Variants in FUT8 observed in about 807,000 individuals in gnomAD.
The protein encoded by FUT8 is alpha-(1,6)-fucosyltransferase.
FUT8 carries 29 observed loss-of-function variants against 71.3 expected under a neutral mutation model. That is an observed-to-expected ratio of 0.41 (90% CI 0.30 to 0.55). The LOEUF (loss-of-function observed/expected upper bound fraction) is 0.55, where lower values mean the gene tolerates loss of function less well. FUT8 is among the 20% of genes least tolerant of loss of function. The probability of loss-of-function intolerance (pLI) is 0.34; values close to 1 mark genes in which losing one functional copy is unlikely to be tolerated. For synonymous variants in FUT8, 254 were observed against 239.3 expected (o/e 1.06, Z -0.57); for missense variants, 544 against 702.1 (o/e 0.77, Z 2.55).
chr14:65,365,876 C>G, the FUT8 span, among the ~76,000 whole-genome samples: 1 of 151,696 alleles, frequency 6.6e-6, no homozygotes, highest in Non-Finnish European at 1.5e-5. Context: ...CTTGTTCTGT[C>G]GCCCAGGCTA....
At chr14:65,641,248 T>C (rs1890814617) in intron 6 of FUT8, among the ~76,000 whole-genome samples, 1 of 152,216 alleles carries the variant, frequency 6.6e-6, no homozygotes, top group Non-Finnish European at 1.5e-5. Context: ...TTTCGTAGAA[T>C]TGTATATAAA....
At chr14:65,538,922 A>AAAAAC (rs540779603) in intron 2 of FUT8, among the ~76,000 whole-genome samples, 40 of 152,216 alleles carry the variant, frequency 2.6e-4, no homozygotes, top group Middle Eastern at 3.4e-3. Flanking sequence ...CTCTGTCTCA[A>AAAAAC]AAAACAAAAC....
At position 65,627,382 on chromosome 14, in the gene FUT8, A is replaced by G. The variant is rs899414901; in HGVS notation, c.483-2110A>G. On this transcript the variant is annotated intron_variant, in intron 5 of 10. Coordinates refer to ENST00000673929, the MANE Select transcript of FUT8 (RefSeq NM_001371533.1). This position sits in a 1 kb window ranked among gnomAD's most constrained non-coding sequence, Gnocchi z 4.0. ...GAGAGATCAAGGCAAGTTTTAGAAC[A>G]GGCATGAGAGTTTATTAAAATGTTT... Among the ~76,000 whole-genome samples the G allele has an allele frequency of 6.6e-6, 1 of 152,204 alleles. No individual in the cohort carries two copies. The highest frequency in any genetic ancestry group is 1.5e-5 in the Non-Finnish European group (1 of 68,028).
chr14:65,539,091 GA>G, intron 2 of FUT8, among the ~76,000 whole-genome samples: 1 of 152,288 alleles, frequency 6.6e-6, no homozygotes, highest in East Asian at 1.9e-4. Context: ...TCATTTGTGA[GA>G]AAACTCACAT....
intron 6 of FUT8, among the ~76,000 whole-genome samples, chr14:65,661,555 G>A (rs1033724197): frequency 6.6e-6 from 1 of 152,098 alleles, no homozygotes; most frequent in Admixed American, 6.5e-5. Context: ...GGCAGGTGAG[G>A]GCAATTACAT....
chr14:65,600,749 G>T (rs1348363920), intron 3 of FUT8, among the ~76,000 whole-genome samples: 1 of 152,072 alleles, frequency 6.6e-6, no homozygotes, highest in Non-Finnish European at 1.5e-5. Context: ...AAGAAAATTT[G>T]CAGCATATGG....
intron 5 of FUT8, among the ~76,000 whole-genome samples, chr14:65,626,399 C>T (rs1006290418): frequency 6.6e-6 from 1 of 152,194 alleles, no homozygotes; most frequent in African/African-American, 2.4e-5. Context: ...GCTCCCAAAG[C>T]TCTCTCCTCT....
rs1218477438 is a variant in FUT8 at position 65,596,142 on chromosome 14, C to T, written c.204-19836C>T. Among the ~76,000 whole-genome samples, 4 of 152,150 alleles carry T rather than the reference C, an allele frequency of 2.6e-5. No individual in the cohort carries two copies. In the East Asian group the frequency reaches 5.8e-4, roughly 22 times the overall value. Reference sequence around the variant, plus strand: ...ATTGAAGATTAATTTTTGTCCTCTTCAGGCTCTGTGGGGTTTTTTTACCCT... The same window carrying T: ...ATTGAAGATTAATTTTTGTCCTCTTTAGGCTCTGTGGGGTTTTTTTACCCT... On this transcript the variant is annotated intron_variant, in intron 3 of 10. Transcript: ENST00000673929.
chr14:65,624,284 CTTT>C lies in FUT8; in HGVS notation c.483-5195_483-5193del, dbSNP rs61702275. Among the ~76,000 whole-genome samples, 1,736 of 145,630 alleles carry C rather than the reference CTTT, an allele frequency of 0.012. 60 individuals carry two copies. In the East Asian group the frequency reaches 0.13, roughly 11 times the overall value. ...CATTATCACAAAACATTAGTGTACTCTTTTTTTTTTTTTTTATTTGATGTTTGG... is the reference window on the plus strand; with the variant it reads ...CATTATCACAAAACATTAGTGTACTCTTTTTTTTTTTTATTTGATGTTTGG... On this transcript the variant is annotated intron_variant, in intron 5 of 10. Coordinates refer to ENST00000673929, the MANE Select transcript of FUT8 (RefSeq NM_001371533.1).
chr14:65,716,721 G>T (rs1459559460), intron 7 of FUT8, among the ~76,000 whole-genome samples: 3 of 151,872 alleles, frequency 2.0e-5, no homozygotes, highest in African/African-American at 7.3e-5. Flanking sequence ...CATCATCATG[G>T]CCTGTTCTCG....
chr14:65,588,185 C>T (rs1006013624), intron 3 of FUT8, among the ~76,000 whole-genome samples: 1 of 152,134 alleles, frequency 6.6e-6, no homozygotes, highest in Non-Finnish European at 1.5e-5. Context: ...ATCTTCATTT[C>T]CTGTTCTCCC....
chr14:65,664,868 A>G (rs970814355), intron 6 of FUT8, among the ~76,000 whole-genome samples: 1 of 152,144 alleles, frequency 6.6e-6, no homozygotes, highest in African/African-American at 2.4e-5. Context: ...CAAAATAGCT[A>G]GGAAAACTGC....
At chr14:65,691,296 C>T (rs1205861077) in intron 7 of FUT8, among the ~76,000 whole-genome samples, 10 of 150,832 alleles carry the variant, frequency 6.6e-5, no homozygotes, top group Non-Finnish European at 2.9e-5. Context: ...TTTAGTGTTA[C>T]GTAGGAATGG....
At chr14:65,540,810 A>G (rs910147907) in intron 2 of FUT8, among the ~76,000 whole-genome samples, 1 of 152,242 alleles carries the variant, frequency 6.6e-6, no homozygotes, top group Non-Finnish European at 1.5e-5. Flanking sequence ...AGAAGATTGT[A>G]GATCTACTTT....
intron 3 of FUT8, among the ~76,000 whole-genome samples, chr14:65,587,113 C>T (rs143844202): frequency 0.01 from 1,581 of 150,854 alleles, 29 homozygotes; most frequent in African/African-American, 0.037. Flanking sequence ...GGTGTGAACC[C>T]GGGAGGCGGA....
At chr14:65,693,151 C>T (rs1482803316) in intron 7 of FUT8, among the ~76,000 whole-genome samples, 1 of 152,224 alleles carries the variant, frequency 6.6e-6, no homozygotes. Flanking sequence ...GAGGCCAAGG[C>T]AGGCGGCTGG....
At chr14:65,495,675 A>G (rs932559791) in intron 2 of FUT8, among the ~76,000 whole-genome samples, 12 of 152,334 alleles carry the variant, frequency 7.9e-5, no homozygotes, top group Admixed American at 2.6e-4. Context: ...CAAGTTTTCT[A>G]TATAATTTAG....
the FUT8 span, among the ~76,000 whole-genome samples, chr14:65,399,750 T>C: frequency 6.6e-6 from 1 of 152,248 alleles, no homozygotes; most frequent in South Asian, 2.1e-4. Context: ...AGATTTCTTC[T>C]ATTATTTAGG....
chr14:65,561,728 A>G lies in FUT8; in HGVS notation c.165A>G (p.Gln55=), dbSNP rs2229677. The G allele has an allele frequency of 0.69, 1,120,169 of 1,612,804 alleles. 391,057 individuals carry two copies. Among genetic ancestry groups the G allele is most frequent in the East Asian group, 0.9 (40,443 of 44,848 alleles). ...KILAKLERLK[Q]QNEDLRRMAE... Reference sequence around the variant, plus strand: ...TGGCAAAGCTTGAACGCTTAAAACAACAGAATGAAGACTTGAGGCGAATGG... The same window carrying G: ...TGGCAAAGCTTGAACGCTTAAAACAGCAGAATGAAGACTTGAGGCGAATGG... Residue 55 remains glutamine, a synonymous_variant, in exon 3 of 11, where the codon CAA becomes CAG. Transcript: ENST00000673929.
Sources: allele counts gnomAD v4.1 joint callset (sites outside exome capture counted in the v4.1 genomes callset), GRCh38; gene constraint gnomAD v4.1.1; non-coding constraint Gnocchi (gnomAD v3.1); transcripts MANE v1.5; gene names NCBI Gene and HGNC (gene_info 2026-07-23, HGNC 2026-07-21).